Variants in PDHX observed in about 807,000 individuals in gnomAD.
PDHX encodes pyruvate dehydrogenase complex component X.
In PDHX, 33 loss-of-function variants were observed where a neutral mutation model predicts 55.3. The observed-to-expected ratio is 0.60, with a 90% CI of 0.45 to 0.80. The LOEUF (loss-of-function observed/expected upper bound fraction) is 0.80, where lower values mean the gene tolerates loss of function less well. Ranked by LOEUF, PDHX falls within the 30% of genes least tolerant of loss-of-function variation. The pLI, the probability that PDHX is intolerant of heterozygous loss-of-function variation, is 0.00. For synonymous variants in PDHX, 226 were observed against 219.4 expected (o/e 1.03, Z -0.27); for missense variants, 622 against 619.9 (o/e 1.00, Z -0.04).
chr11:34,968,963 G>A (rs1328204294), intron 6 of PDHX, among the ~76,000 whole-genome samples: 1 of 152,034 alleles, frequency 6.6e-6, no homozygotes, highest in Non-Finnish European at 1.5e-5. Flanking sequence ...TTGACTTCAC[G>A]ATGGTGTAAA....
intron 5 of PDHX, among the ~76,000 whole-genome samples, chr11:34,963,896 G>T (rs1351685077): frequency 6.6e-6 from 1 of 152,190 alleles, no homozygotes; most frequent in Non-Finnish European, 1.5e-5. Context: ...GTACATCTGT[G>T]TCCTAAATCA....
intron 2 of PDHX, among the ~76,000 whole-genome samples, chr11:34,943,607 C>A (rs1854545163): frequency 6.6e-6 from 1 of 152,146 alleles, no homozygotes; most frequent in South Asian, 2.1e-4. Flanking sequence ...TATAATCTGA[C>A]ACTGTAGCTT....
chr11:34,979,435 A>G (rs997374999), intron 8 of PDHX, among the ~76,000 whole-genome samples: 8 of 152,074 alleles, frequency 5.3e-5, no homozygotes, highest in Admixed American at 6.6e-5. Context: ...CCTTTCTGTA[A>G]CGAGGCTATT....
intron 5 of PDHX, among the ~76,000 whole-genome samples, chr11:34,963,560 G>A (rs7114970): frequency 6.6e-6 from 1 of 152,086 alleles, no homozygotes; most frequent in South Asian, 2.1e-4. Context: ...GAATGCAGAC[G>A]TGAGCCACTG....
chr11:34,960,543 C>G (rs757988919), intron 5 of PDHX, 25 bp downstream of exon 5: 1 of 1,277,694 alleles, frequency 7.8e-7, no homozygotes, highest in East Asian at 2.3e-5. Context: ...TTTGTAATAA[C>G]CAGTTCCATT....
intron 3 of PDHX, among the ~76,000 whole-genome samples, chr11:34,950,620 T>G (rs1327088263): frequency 1.3e-5 from 2 of 151,294 alleles, no homozygotes; most frequent in Admixed American, 1.3e-4. Context: ...GTGAGAACAT[T>G]CGGTGTTTGG....
chr11:34,969,363 C>G, intron 6 of PDHX, among the ~76,000 whole-genome samples: 1 of 148,296 alleles, frequency 6.7e-6, no homozygotes, highest in Middle Eastern at 3.4e-3. Flanking sequence ...TTTTTTTTCC[C>G]GAAACAATCT....
intron 6 of PDHX, among the ~76,000 whole-genome samples, chr11:34,969,094 G>A (rs1016429856): frequency 1.3e-5 from 2 of 152,138 alleles, no homozygotes; most frequent in African/African-American, 4.8e-5. Context: ...GCTCTGCAGT[G>A]TACTGTGTAG....
intron 1 of PDHX, among the ~76,000 whole-genome samples, chr11:34,926,967 A>C (rs1344383542): frequency 7.2e-5 from 11 of 152,078 alleles, no homozygotes; most frequent in Non-Finnish European, 1.5e-4. Context: ...GGAAAACAGC[A>C]ATAAGCTAAG....
At chr11:34,976,852 C>A (rs1432169039) in intron 7 of PDHX, among the ~76,000 whole-genome samples, 1 of 151,952 alleles carries the variant, frequency 6.6e-6, no homozygotes, top group Non-Finnish European at 1.5e-5. Flanking sequence ...CTGTGAATAC[C>A]TGTGGGTAAG....
In PDHX at chr11:34,916,946, C is replaced by T. The variant is rs938521540; in HGVS notation, c.160+131C>T. ...CTCCTTATTCCCTTTCCTCTTTCTC[C>T]GGTTGGGGTCCGCCGACTTGGCCTA... On this transcript the variant is annotated intron_variant, in intron 1 of 10. Transcript: ENST00000227868. The T allele has an allele frequency of 2.3e-5, 22 of 942,746 alleles. No homozygotes were observed. The South Asian group carries it at 3.1e-4, about 13-fold the overall frequency. The allele number at this position is 942,746 out of a possible 1,614,324, so 58.4% of individuals were successfully genotyped here.
rs539601352 is a variant in PDHX, at chr11:34,917,638, A to G, written c.160+823A>G. On this transcript the variant is annotated intron_variant, in intron 1 of 10. Coordinates refer to ENST00000227868, the MANE Select transcript of PDHX (RefSeq NM_003477.3). Reference sequence around the variant, plus strand: ...CACTCTACAGAATGAATTTTAATTTAAATAGGTCTAGTAGACGTTGCCTTC... The same window carrying G: ...CACTCTACAGAATGAATTTTAATTTGAATAGGTCTAGTAGACGTTGCCTTC... Among the ~76,000 whole-genome samples the G allele has an allele frequency of 5.9e-5, 9 of 152,262 alleles. No homozygotes were observed. In the East Asian group the frequency reaches 1.4e-3, roughly 23 times the overall value.
chr11:34,935,918 GTA>G (rs1854298165), intron 2 of PDHX, among the ~76,000 whole-genome samples: 1 of 152,156 alleles, frequency 6.6e-6, no homozygotes, highest in South Asian at 2.1e-4. Flanking sequence ...ACAAATGTTG[GTA>G]TTGAGTGGTC....
chr11:34,916,477 T>G, upstream of PDHX: 1 of 1,458,916 alleles, frequency 6.9e-7, no homozygotes, highest in East Asian at 2.5e-5. Flanking sequence ...CGCACCTGAC[T>G]TCCCGGGAGG....
At chr11:34,993,777 A>G (rs1855805468) in intron 10 of PDHX, among the ~76,000 whole-genome samples, 1 of 152,000 alleles carries the variant, frequency 6.6e-6, no homozygotes, top group Non-Finnish European at 1.5e-5. Flanking sequence ...TTTCACACAC[A>G]CACCCCTTGC....
At chr11:34,920,918 T>G (rs1853863290) in intron 1 of PDHX, among the ~76,000 whole-genome samples, 1 of 152,216 alleles carries the variant, frequency 6.6e-6, no homozygotes, top group Non-Finnish European at 1.5e-5. Context: ...AGTCCTCTTC[T>G]CTCACCTGCC....
chr11:34,973,503 T>C lies in PDHX; in HGVS notation c.964+3217T>C, dbSNP rs529143070. 2.0e-5 allele frequency among the ~76,000 whole-genome samples: 3 copies of C among 152,328 alleles called. No homozygotes were observed. In the East Asian group the frequency reaches 5.8e-4, roughly 29 times the overall value. ...ATTCTTCTTTCCTTATCTTTTTGGT[T>C]ACTTATTTTGTTATCATTCTATTGT... is the stretch of plus-strand genomic sequence containing the variant. On this transcript the variant is annotated intron_variant, in intron 7 of 10. Coordinates refer to ENST00000227868, the MANE Select transcript of PDHX (RefSeq NM_003477.3).
chr11:34,971,186 T>G (rs1382506421), intron 7 of PDHX, among the ~76,000 whole-genome samples: 2 of 152,182 alleles, frequency 1.3e-5, no homozygotes, highest in African/African-American at 2.4e-5. Flanking sequence ...TTATTAAATT[T>G]GTAATATTTC....
At chr11:34,957,256 C>T in intron 3 of PDHX, 128 bp from the exon 4 acceptor site, 2 of 715,936 alleles carry the variant, frequency 2.8e-6, no homozygotes, top group Non-Finnish European at 2.5e-6. Context: ...CAGAGGCAAA[C>T]TGTCTTGGAA....
Sources: gnomAD v4.1 joint callset for allele counts (sites outside exome capture counted in the v4.1 genomes callset) on GRCh38, gnomAD v4.1.1 for gene constraint, MANE v1.5 for transcripts, NCBI Gene and HGNC (gene_info 2026-07-23, HGNC 2026-07-21) for gene names.